Variants in WBP2NL observed in about 807,000 individuals in gnomAD.
The protein encoded by WBP2NL is postacrosomal sheath WW domain-binding protein.
WBP2NL carries 27 observed loss-of-function variants against 23.3 expected under a neutral mutation model. That is an observed-to-expected ratio of 1.16 (90% CI 0.85 to 1.60). The LOEUF is 1.60. Among genes scored for constraint, WBP2NL ranks in the 40% most tolerant of loss-of-function variants. The pLI is 0.00. For synonymous variants in WBP2NL, 151 were observed against 145.9 expected (o/e 1.03, Z -0.25); for missense variants, 370 against 389.5 (o/e 0.95, Z 0.42).
downstream of WBP2NL, chr22:42,031,642 C>T (rs964949553): frequency 6.6e-6 from 1 of 151,952 alleles, no homozygotes; most frequent in African/African-American, 2.4e-5. Flanking sequence ...CTTCCTGGCT[C>T]AGCTACCCTG....
rs1356158625 is a variant in WBP2NL at position 41,998,842 on chromosome 22, C to T, written c.24C>T (p.Thr8=). 4 of 1,612,312 alleles carry T rather than the reference C, an allele frequency of 2.5e-6. No homozygotes were observed. In the Admixed American group the frequency reaches 5.0e-5, roughly 20 times the overall value. ...AGATGGCGGTGAATCAGAGCCACACCGAGAACCGCCGCGGAGCCCTCATCC... is the reference window on the plus strand; with the variant it reads ...AGATGGCGGTGAATCAGAGCCACACTGAGAACCGCCGCGGAGCCCTCATCC... MAVNQSH[T]ENRRGALIPN... The change falls in exon 1 of 6, where the codon ACC becomes ACT. Residue 8 remains threonine, a synonymous_variant. Coordinates refer to ENST00000328823, the MANE Select transcript of WBP2NL (RefSeq NM_152613.3).
At chr22:42,032,607 G>T (rs1434950887), downstream of WBP2NL, 2 of 269,318 alleles carry the variant, frequency 7.4e-6, no homozygotes, top group African/African-American at 2.2e-5. Flanking sequence ...AATTAATAAT[G>T]TAAAAATTTA....
intron 8 of WBP2NL, among the ~76,000 whole-genome samples, chr22:42,047,458 C>G (rs133363): frequency 6.6e-6 from 1 of 150,914 alleles, no homozygotes; most frequent in Admixed American, 6.6e-5. Flanking sequence ...GGTGTTGTGT[C>G]GGGTGCCTGT....
chr22:42,048,366 A>C (rs971097565), intron 8 of WBP2NL, among the ~76,000 whole-genome samples: 1 of 150,778 alleles, frequency 6.6e-6, no homozygotes, highest in African/African-American at 2.5e-5. Flanking sequence ...CCAGCCTGGC[A>C]ATAGAGCAAG....
chr22:42,008,171 C>CCTTTCCTTTCCTT lies in WBP2NL; in HGVS notation c.62+9291_62+9292insCTTTCCTTTCCTT, dbSNP rs58536145. Reference sequence around the variant, plus strand: ...CCTTTCCTTTCCTTTCCTTTCCTTTCTCCCTCCCTTCCCTCTCCCTCCCCC... The same window carrying CCTTTCCTTTCCTT: ...CCTTTCCTTTCCTTTCCTTTCCTTTCCTTTCCTTTCCTTTCCCTCCCTTCCCTCTCCCTCCCCC... On this transcript the variant is annotated intron_variant, in intron 1 of 5. Transcript: ENST00000328823. Among the ~76,000 whole-genome samples, 11 of 141,688 alleles carry CCTTTCCTTTCCTT rather than the reference C, an allele frequency of 7.8e-5. No homozygotes were observed. The East Asian group carries it at 1.1e-3, about 14-fold the overall frequency. 93.0% of individuals were successfully genotyped at this position (141,688 alleles called of 152,430 possible).
chr22:42,050,348 C>CA (rs1053497664), intron 8 of WBP2NL, among the ~76,000 whole-genome samples: 27 of 150,272 alleles, frequency 1.8e-4, no homozygotes, highest in African/African-American at 3.7e-4. Context: ...AAACAAAAAA[C>CA]AAAAAAAACA....
In WBP2NL at chr22:41,998,789, T is replaced by C; in HGVS notation, c.-30T>C. On this transcript the variant is annotated 5_prime_UTR_variant, in exon 1 of 6. Coordinates refer to ENST00000328823, the MANE Select transcript of WBP2NL (RefSeq NM_152613.3). ...TCGGCGCAGGTCCCGCCCCTTTCCA[T>C]CTACGGGGCGGCAGGAGGCCCGAAG... 1 of 1,600,288 alleles carries C rather than the reference T, an allele frequency of 6.2e-7. No individual in the cohort carries two copies. The highest frequency in any genetic ancestry group is 8.5e-7 in the Non-Finnish European group (1 of 1,172,444).
chr22:42,057,168 G>C (rs1230436714), intron 8 of WBP2NL, among the ~76,000 whole-genome samples: 1 of 151,986 alleles, frequency 6.6e-6, no homozygotes, highest in Admixed American at 6.6e-5. Flanking sequence ...GTGTATATGG[G>C]TACATTTGGT....
intron 1 of WBP2NL, among the ~76,000 whole-genome samples, chr22:42,013,137 C>T (rs978491773): frequency 6.6e-6 from 1 of 151,826 alleles, no homozygotes; most frequent in Admixed American, 6.6e-5. Context: ...CTTTGGGAGC[C>T]CGAGGTGAGC....
chr22:41,999,915 G>A (rs1458519355), intron 1 of WBP2NL, among the ~76,000 whole-genome samples: 2 of 152,068 alleles, frequency 1.3e-5, no homozygotes, highest in Non-Finnish European at 1.5e-5. Context: ...CAGCCAGAGG[G>A]GTGCCCATCT....
chr22:42,014,668 A>G (rs1156528253), intron 1 of WBP2NL, among the ~76,000 whole-genome samples: 1 of 152,054 alleles, frequency 6.6e-6, no homozygotes, highest in African/African-American at 2.4e-5. Context: ...TGTGTTACTC[A>G]GGTAGTAACC....
rs759280169 is a variant in WBP2NL, at chr22:41,998,814, G to A, written c.-5G>A. On this transcript the variant is annotated 5_prime_UTR_variant, in exon 1 of 6. Coordinates refer to ENST00000328823, the MANE Select transcript of WBP2NL (RefSeq NM_152613.3). ...TCTACGGGGCGGCAGGAGGCCCGAA[G>A]CAAGATGGCGGTGAATCAGAGCCAC... 1.9e-6 allele frequency: 3 copies of A among 1,609,296 alleles called. No homozygotes were observed. The Admixed American group carries it at 5.0e-5, about 27-fold the overall frequency.
At chr22:42,057,339 C>CAA (rs1926077317) in intron 8 of WBP2NL, among the ~76,000 whole-genome samples, 1 of 152,154 alleles carries the variant, frequency 6.6e-6, no homozygotes, top group Non-Finnish European at 1.5e-5. Flanking sequence ...CTCATTTCAA[C>CAA]TATTGTACTT....
downstream of WBP2NL, among the ~76,000 whole-genome samples, chr22:42,034,922 G>A (rs1346658423): frequency 6.6e-6 from 1 of 152,068 alleles, no homozygotes; most frequent in African/African-American, 2.4e-5. Context: ...TCTTTTTTCA[G>A]GGTGCCCACA....
At chr22:42,033,032 C>G (rs903260883), downstream of WBP2NL, 2 of 168,772 alleles carry the variant, frequency 1.2e-5, no homozygotes, top group Non-Finnish European at 2.5e-5. Context: ...GCTCATTCCA[C>G]CCACCCGGCC....
intron 1 of WBP2NL, among the ~76,000 whole-genome samples, chr22:42,000,883 G>A (rs1440231970): frequency 6.6e-6 from 1 of 151,992 alleles, no homozygotes; most frequent in African/African-American, 2.4e-5. Flanking sequence ...CCCAAAAGGT[G>A]AACCAAAAGG....
chr22:42,014,048 C>T (rs557498358), intron 1 of WBP2NL, among the ~76,000 whole-genome samples: 8 of 152,186 alleles, frequency 5.3e-5, no homozygotes, highest in Non-Finnish European at 1.0e-4. Flanking sequence ...TTTCAAAGTA[C>T]TGGGATTACA....
At chr22:42,030,609 A>G (rs1312957698), downstream of WBP2NL, 1 of 152,228 alleles carries the variant, frequency 6.6e-6, no homozygotes, top group Non-Finnish European at 1.5e-5. Context: ...AATCCAGGCA[A>G]TATTGGATCT....
At chr22:42,023,686 G>A (rs1368192920) in intron 5 of WBP2NL, among the ~76,000 whole-genome samples, 1 of 151,626 alleles carries the variant, frequency 6.6e-6, no homozygotes, top group Non-Finnish European at 1.5e-5. Context: ...TAGTAGAGAC[G>A]GGATTTCACT....
Sources: gnomAD v4.1 joint callset for allele counts (sites outside exome capture counted in the v4.1 genomes callset) on GRCh38, gnomAD v4.1.1 for gene constraint, MANE v1.5 for transcripts, NCBI Gene and HGNC (gene_info 2026-07-23, HGNC 2026-07-21) for gene names.